The following CFAP58 variants were observed in gnomAD, a reference collection of about 807,000 sequenced individuals.
CFAP58 encodes cilia- and flagella-associated protein 58.
In CFAP58, 88 loss-of-function variants were observed where a neutral mutation model predicts 119.5. The observed-to-expected ratio is 0.74, with a 90% confidence interval of 0.62 to 0.88. The LOEUF (loss-of-function observed/expected upper bound fraction) is 0.88, where lower values mean the gene tolerates loss of function less well. CFAP58 is among the 40% of genes least tolerant of loss of function. CFAP58 has a pLI of 0.00. For synonymous variants in CFAP58, 365 were observed against 366.3 expected (o/e 1.00, Z 0.04); for missense variants, 990 against 1,021.2 (o/e 0.97, Z 0.42).
At chr10:104,380,836 A>C (rs1010145517) in intron 9 of CFAP58, among the ~76,000 whole-genome samples, 19 of 151,938 alleles carry the variant, frequency 1.3e-4, no homozygotes, top group Admixed American at 5.9e-4. Flanking sequence ...GTCTCTACCA[A>C]AATAAATTAA....
the CFAP58 span, among the ~76,000 whole-genome samples, chr10:104,348,668 T>A: frequency 6.6e-6 from 1 of 152,212 alleles, no homozygotes; most frequent in Admixed American, 6.5e-5. Flanking sequence ...AAAGCAGGAT[T>A]TTTGGATTCT....
intron 1 of CFAP58, among the ~76,000 whole-genome samples, chr10:104,357,877 G>GTACATATATA (rs1401475664): frequency 3.3e-5 from 3 of 90,968 alleles, no homozygotes; most frequent in Admixed American, 3.0e-4. Flanking sequence ...ACACATATAT[G>GTACATATATA]TACACATATA....
At chr10:104,356,214 T>C (rs567812889) in intron 1 of CFAP58, among the ~76,000 whole-genome samples, 3 of 152,358 alleles carry the variant, frequency 2.0e-5, no homozygotes, top group East Asian at 3.9e-4. Flanking sequence ...TGACTCTACA[T>C]TTATTTTAAT....
At chr10:104,438,504 TAGC>T (rs1160504438) in intron 15 of CFAP58, among the ~76,000 whole-genome samples, 1 of 151,362 alleles carries the variant, frequency 6.6e-6, no homozygotes, top group Admixed American at 6.6e-5. Context: ...GCCTCCCGAG[TAGC>T]TGGGACTACA....
chr10:104,371,141 C>T lies in CFAP58; in HGVS notation c.1090+87C>T, dbSNP rs531107258. The T allele has an allele frequency of 3.8e-4, 487 of 1,296,158 alleles. 1 individual carries two copies. Among genetic ancestry groups the T allele is most frequent in the Non-Finnish European group, 3.9e-4 (368 of 943,978 alleles). The allele number at this position is 1,296,158 out of a possible 1,614,324, so 80.3% of individuals were successfully genotyped here. The stretch of plus-strand genomic sequence containing the variant: ...TAACCCAGGGCTCCATGTTTCCAAA[C>T]ACAACCTATGCCAAATGAAATCAGT... On this transcript the variant is annotated intron_variant, in intron 7 of 17. Transcript: ENST00000369704.
chr10:104,410,366 A>AT (rs2012440893), intron 15 of CFAP58, among the ~76,000 whole-genome samples: 1 of 152,158 alleles, frequency 6.6e-6, no homozygotes, highest in Admixed American at 6.5e-5. Flanking sequence ...ACATATCTCC[A>AT]ATTCCTTACT....
chr10:104,403,656 C>T (rs1265483142), intron 13 of CFAP58, 73 bp from the exon 14 acceptor site: 2 of 977,164 alleles, frequency 2.0e-6, no homozygotes, highest in Non-Finnish European at 3.2e-6. Context: ...AGTGTGTATG[C>T]AACTAATTAA....
upstream of CFAP58, chr10:104,353,503 G>T (rs1055050600): frequency 2.7e-4 from 57 of 212,946 alleles, no homozygotes; most frequent in Middle Eastern, 1.7e-3. Flanking sequence ...GCTCCCTAGT[G>T]TCACACACCG....
chr10:104,422,486 T>C (rs986521366), intron 15 of CFAP58, among the ~76,000 whole-genome samples: 2 of 152,196 alleles, frequency 1.3e-5, no homozygotes, highest in Non-Finnish European at 2.9e-5. Context: ...GTTGATTCTG[T>C]CAGTTGGCAA....
intron 4 of CFAP58, 98 bp from the exon 5 acceptor site, chr10:104,365,716 G>A (rs2014733786): frequency 9.3e-7 from 1 of 1,072,082 alleles, no homozygotes; most frequent in African/African-American, 1.6e-5. Flanking sequence ...GTGCTGCCTT[G>A]ACAATCACAG....
intron 7 of CFAP58, among the ~76,000 whole-genome samples, chr10:104,375,205 C>G (rs899675133): frequency 6.7e-6 from 1 of 149,832 alleles, no homozygotes; most frequent in African/African-American, 2.4e-5. Flanking sequence ...ACTATGATTC[C>G]CTTTTGGGGT....
chr10:104,453,708 C>T (rs1356949243), intron 17 of CFAP58, among the ~76,000 whole-genome samples: 3 of 150,050 alleles, frequency 2.0e-5, no homozygotes, highest in African/African-American at 5.0e-5. Flanking sequence ...AAGACCCCAA[C>T]TGTATGATAA....
rs529056933 is a variant in CFAP58 at position 104,440,016 on chromosome 10, G to A, written c.2257-7682G>A. 2.0e-5 allele frequency among the ~76,000 whole-genome samples: 3 copies of A among 152,248 alleles called. No homozygotes were observed. The South Asian group carries it at 6.2e-4, about 32-fold the overall frequency. On this transcript the variant is annotated intron_variant, in intron 15 of 17. Transcript: ENST00000369704. ...TTGTATCTTTTTTAGTAGAGACGGG[G>A]TTTCACCGTGTTAGCCAGGATGGCC...
intron 15 of CFAP58, among the ~76,000 whole-genome samples, chr10:104,407,558 C>A (rs931765856): frequency 2.6e-4 from 40 of 152,074 alleles, no homozygotes; most frequent in African/African-American, 9.4e-4. Flanking sequence ...TGTTCTTAGT[C>A]TGTATTATGG....
the CFAP58 span, among the ~76,000 whole-genome samples, chr10:104,347,878 T>G: frequency 6.6e-6 from 1 of 152,066 alleles, no homozygotes; most frequent in African/African-American, 2.4e-5. Flanking sequence ...CTCCCATCTT[T>G]CGCTTCCTGT....
rs552444374 is a variant in CFAP58, at chr10:104,361,945, T to C, written c.292-78T>C. On this transcript the variant is annotated intron_variant, in intron 2 of 17. Coordinates refer to ENST00000369704, the MANE Select transcript of CFAP58 (RefSeq NM_001008723.2). ...TTATATAACTACACTGTGGTCATGG[T>C]ATTATTCTGTTTGCTGGTTTATCTT... 1.5e-5 allele frequency: 20 copies of C among 1,359,846 alleles called. No homozygotes were observed. The African/African-American group carries it at 2.6e-4, about 18-fold the overall frequency. 84.2% of individuals were successfully genotyped at this position (1,359,846 alleles called of 1,614,324 possible).
At chr10:104,448,929 C>T (rs563369419) in intron 16 of CFAP58, among the ~76,000 whole-genome samples, 4 of 152,318 alleles carry the variant, frequency 2.6e-5, no homozygotes, top group Middle Eastern at 3.4e-3. Flanking sequence ...CACAGAGCTC[C>T]GGGTTGCCTT....
chr10:104,340,672 G>A, the CFAP58 span, among the ~76,000 whole-genome samples: 5,997 of 152,224 alleles, frequency 0.039, 435 homozygotes, highest in African/African-American at 0.14. Context: ...TATCAACAAC[G>A]GAAGGGAAGA....
At position 104,447,776 on chromosome 10, in the gene CFAP58, C is replaced by A; in HGVS notation, c.2335C>A (p.Leu779Met). Reference sequence around the variant, plus strand: ...ACCTGAGGCTGCGGAACAGCTGAAGCTGTACCGACGCACGCTGCATGACAA... The same window carrying A: ...ACCTGAGGCTGCGGAACAGCTGAAGATGTACCGACGCACGCTGCATGACAA... Reference protein sequence around the residue: ...PGPEAAEQLKLYRRTLHDKKQ... With the variant: ...PGPEAAEQLKMYRRTLHDKKQ... Residue 779 changes from leucine (L) to methionine (M), a missense_variant, in exon 16 of 18, where the codon CTG becomes ATG. Transcript: ENST00000369704. 6.2e-7 allele frequency: 1 copy of A among 1,614,110 alleles called. No individual in the cohort carries two copies. The highest frequency in any genetic ancestry group is 8.5e-7 in the Non-Finnish European group (1 of 1,179,984).
Sources: gnomAD v4.1 joint callset for allele counts (sites outside exome capture counted in the v4.1 genomes callset) on GRCh38, gnomAD v4.1.1 for gene constraint, MANE v1.5 for transcripts, NCBI Gene and HGNC (gene_info 2026-07-23, HGNC 2026-07-21) for gene names.